The following PBX1 variants were observed in gnomAD, a reference collection of about 807,000 sequenced individuals.
PBX1 encodes the protein pre-B-cell leukemia transcription factor 1.
Under a neutral mutation model 53.4 loss-of-function variants are expected in PBX1, and 6 were observed. The ratio of observed to expected loss-of-function variants is 0.11; its 90% CI spans 0.06 to 0.22. The LOEUF (loss-of-function observed/expected upper bound fraction) is 0.22, where lower values mean the gene tolerates loss of function less well. Among genes scored for constraint, PBX1 ranks in the 10% least tolerant of loss-of-function variants. The probability of loss-of-function intolerance (pLI) is 1.00; values close to 1 mark genes in which losing one functional copy is unlikely to be tolerated. For synonymous variants in PBX1, 204 were observed against 212.3 expected, an observed-to-expected ratio of 0.96 and a Z score of 0.34; for missense variants, 251 against 551.4, an observed-to-expected ratio of 0.46 and a Z score of 5.46.
At chr1:164,720,836 T>G (rs1664363790) in intron 2 of PBX1, among the ~76,000 whole-genome samples, 1 of 152,200 alleles carries the variant, frequency 6.6e-6, no homozygotes, top group Non-Finnish European at 1.5e-5. Context: ...TGTTTAGCCT[T>G]ATGACCTCTG....
chr1:164,650,094 TGTA>T (rs1659706227), intron 2 of PBX1, among the ~76,000 whole-genome samples: 1 of 152,144 alleles, frequency 6.6e-6, no homozygotes, highest in East Asian at 1.9e-4. Context: ...TTAGGGCAAA[TGTA>T]GTGCTACAGA....
intron 2 of PBX1, among the ~76,000 whole-genome samples, chr1:164,713,123 T>C (rs1415705903): frequency 1.3e-5 from 2 of 152,148 alleles, no homozygotes; most frequent in African/African-American, 2.4e-5. Flanking sequence ...AAGTCATTCG[T>C]TAATGACTGA....
chr1:164,577,381 T>G (rs1041324304), intron 2 of PBX1, among the ~76,000 whole-genome samples: 6 of 152,196 alleles, frequency 3.9e-5, no homozygotes, highest in Non-Finnish European at 7.4e-5. Context: ...TTAAAGGGGC[T>G]TCAAGCTGCC....
intron 2 of PBX1, among the ~76,000 whole-genome samples, chr1:164,862,174 G>A (rs1258192480): frequency 6.6e-6 from 1 of 152,186 alleles, no homozygotes; most frequent in Non-Finnish European, 1.5e-5. Context: ...ATTTGGGGCA[G>A]AAGTTGATAG....
In PBX1 at chr1:164,849,033, T is replaced by A; in HGVS notation, c.*2357T>A. 8.1e-7 allele frequency: 1 copy of A among 1,231,848 alleles called. No individual in the cohort carries two copies. Among genetic ancestry groups the A allele is most frequent in the Non-Finnish European group, 1.0e-6 (1 of 979,842 alleles). 76.3% of individuals were successfully genotyped at this position (1,231,848 alleles called of 1,614,324 possible). On this transcript the variant is annotated 3_prime_UTR_variant, in exon 9 of 9. Transcript: ENST00000420696. ...CATTTTTGTGACAACTTCATAGTGATTAGAATCAGTGGAGAACTCCATCTT... is the reference window on the plus strand; with the variant it reads ...CATTTTTGTGACAACTTCATAGTGAATAGAATCAGTGGAGAACTCCATCTT...
chr1:164,788,916 T>C (rs3795538), intron 2 of PBX1, among the ~76,000 whole-genome samples: 4,621 of 152,234 alleles, frequency 0.03, 78 homozygotes, highest in East Asian at 0.084. Context: ...AGAAACTAAG[T>C]CTATTAACTC....
chr1:164,562,471 A>T (rs1484726743), intron 1 of PBX1, among the ~76,000 whole-genome samples: 2 of 151,812 alleles, frequency 1.3e-5, no homozygotes, highest in African/African-American at 4.8e-5. Context: ...ACACACACAC[A>T]CACACACACA....
intron 2 of PBX1, among the ~76,000 whole-genome samples, chr1:164,621,383 G>C (rs796952026): frequency 6.6e-6 from 1 of 152,228 alleles, no homozygotes; most frequent in African/African-American, 2.4e-5. Flanking sequence ...CGAGAATTAG[G>C]TTCCCAGAAA....
At chr1:164,663,344 TC>T (rs1660625060) in intron 2 of PBX1, among the ~76,000 whole-genome samples, 1 of 152,078 alleles carries the variant, frequency 6.6e-6, no homozygotes, top group African/African-American at 2.4e-5. Context: ...CTTTCCTCCT[TC>T]CTTTTTTCCT....
intron 2 of PBX1, among the ~76,000 whole-genome samples, chr1:164,862,300 T>C (rs935383818): frequency 6.6e-6 from 1 of 152,124 alleles, no homozygotes; most frequent in Non-Finnish European, 1.5e-5. Flanking sequence ...TAGAACACCT[T>C]CCCGGGTTTC....
chr1:164,804,442 A>T (rs1669236919), intron 4 of PBX1, among the ~76,000 whole-genome samples: 1 of 152,198 alleles, frequency 6.6e-6, no homozygotes, highest in African/African-American at 2.4e-5. Flanking sequence ...AAGTTAACTA[A>T]ATACTAAATT....
chr1:164,633,605 C>G (rs1311423913), intron 2 of PBX1, among the ~76,000 whole-genome samples: 1 of 152,168 alleles, frequency 6.6e-6, no homozygotes, highest in Non-Finnish European at 1.5e-5. Context: ...TACTGAATTA[C>G]CTGAGCCTTT....
intron 8 of PBX1, among the ~76,000 whole-genome samples, chr1:164,839,245 G>A (rs1452637163): frequency 1.3e-5 from 2 of 152,108 alleles, no homozygotes; most frequent in African/African-American, 4.8e-5. Context: ...TGATAATATA[G>A]CAAATGTCAA....
At position 164,832,044 on chromosome 1, in the gene PBX1, A is replaced by AAT. The variant is rs112950796; in HGVS notation, c.1200+10420_1200+10421dup. ...AGATATATAAAAATAGAAACTTTCT[A>AAT]ATAGATATCAGAAAGTTGAATTATA... On this transcript the variant is annotated intron_variant, in intron 8 of 8. Coordinates refer to ENST00000420696, the MANE Select transcript of PBX1 (RefSeq NM_002585.4). Among the ~76,000 whole-genome samples, 226 of 152,318 alleles carry AAT rather than the reference A, an allele frequency of 1.5e-3. 2 individuals are homozygous for AAT. The highest frequency in any genetic ancestry group is 5.1e-3 in the African/African-American group (211 of 41,584).
chr1:164,673,372 T>C (rs1283328533), intron 2 of PBX1, among the ~76,000 whole-genome samples: 1 of 152,034 alleles, frequency 6.6e-6, no homozygotes, highest in Non-Finnish European at 1.5e-5. Context: ...GACAACTTGT[T>C]CTCTAGTGAG....
chr1:164,778,202 G>A (rs1667761110), intron 2 of PBX1, among the ~76,000 whole-genome samples: 1 of 152,248 alleles, frequency 6.6e-6, no homozygotes, highest in African/African-American at 2.4e-5. Flanking sequence ...TTACCAAACA[G>A]ATCAAAAACT....
chr1:164,843,640 A>G (rs185072495), intron 8 of PBX1, among the ~76,000 whole-genome samples: 129 of 152,332 alleles, frequency 8.5e-4, no homozygotes, highest in African/African-American at 3.0e-3. Context: ...TAGGCCAACT[A>G]GAATAATATA....
intron 2 of PBX1, among the ~76,000 whole-genome samples, chr1:164,656,402 T>A (rs1360002310): frequency 6.6e-6 from 1 of 152,222 alleles, no homozygotes; most frequent in Non-Finnish European, 1.5e-5. Flanking sequence ...TTAATTTGTT[T>A]GCCTGTACAA....
In PBX1 at chr1:164,646,461, T is replaced by G. The variant is rs1290077527; in HGVS notation, c.265+83150T>G. ...TTTAGAGCTTCCCTTGTAGGCTGAC[T>G]ACCTAGAAGAGGCAACCTCTGACCT... On this transcript the variant is annotated intron_variant, in intron 2 of 8. Coordinates refer to ENST00000420696, the MANE Select transcript of PBX1 (RefSeq NM_002585.4). 4.6e-5 allele frequency among the ~76,000 whole-genome samples: 7 copies of G among 152,164 alleles called. 1 individual carries two copies. Among genetic ancestry groups the G allele is most frequent in the Admixed American group, 4.6e-4 (7 of 15,286 alleles).
Sources: gnomAD v4.1 joint callset for allele counts (sites outside exome capture counted in the v4.1 genomes callset) on GRCh38, gnomAD v4.1.1 for gene constraint, MANE v1.5 for transcripts, NCBI Gene and HGNC (gene_info 2026-07-23, HGNC 2026-07-21) for gene names.